The following MORN5 variants were observed in gnomAD, a reference collection of about 807,000 sequenced individuals.
MORN5 encodes MORN repeat-containing protein 5.
In MORN5, 21 loss-of-function variants were observed where a neutral mutation model predicts 22.1. That is an observed-to-expected ratio of 0.95 (90% CI 0.67 to 1.37). The LOEUF is 1.37. Among genes scored for constraint, MORN5 ranks in the 40% most tolerant of loss-of-function variants. The pLI is 0.00. For synonymous variants in MORN5, 73 were observed against 74.0 expected, an observed-to-expected ratio of 0.99 and a Z score of 0.07; for missense variants, 211 against 215.1, an observed-to-expected ratio of 0.98 and a Z score of 0.12.
At chr9:122,171,908 G>A (rs888897963) in intron 3 of MORN5, among the ~76,000 whole-genome samples, 3 of 148,112 alleles carry the variant, frequency 2.0e-5, no homozygotes, top group Non-Finnish European at 4.4e-5. Flanking sequence ...CCCACTTGGC[G>A]CCCTTGAGGT....
At chr9:122,173,833 T>C (rs1829403573) in intron 3 of MORN5, among the ~76,000 whole-genome samples, 1 of 152,144 alleles carries the variant, frequency 6.6e-6, no homozygotes, top group African/African-American at 2.4e-5. Flanking sequence ...TGGATAACCT[T>C]GGGAAAGTTA....
At chr9:122,195,551 C>A (rs1318655112) in intron 4 of MORN5, among the ~76,000 whole-genome samples, 1 of 152,068 alleles carries the variant, frequency 6.6e-6, no homozygotes, top group African/African-American at 2.4e-5. Flanking sequence ...GATGTTTTTT[C>A]TCATGATTAG....
At chr9:122,189,046 T>G (rs1392598032) in intron 4 of MORN5, among the ~76,000 whole-genome samples, 2 of 151,884 alleles carry the variant, frequency 1.3e-5, no homozygotes. Context: ...AATACAAAAA[T>G]TAGCCCGGTG....
At chr9:122,175,548 A>AC in intron 4 of MORN5, 2 of 985,296 alleles carry the variant, frequency 2.0e-6, no homozygotes, top group Non-Finnish European at 2.4e-6. Context: ...AAAGATACGG[A>AC]CCCTCTTGCC....
intron 4 of MORN5, among the ~76,000 whole-genome samples, chr9:122,175,891 G>A (rs912959495): frequency 6.6e-6 from 1 of 152,092 alleles, no homozygotes; most frequent in Non-Finnish European, 1.5e-5. Context: ...GAGGAGGGCG[G>A]ATCATGAGGT....
chr9:122,179,765 C>T (rs554507883), intron 4 of MORN5, among the ~76,000 whole-genome samples: 16 of 152,208 alleles, frequency 1.1e-4, no homozygotes, highest in Non-Finnish European at 1.9e-4. Context: ...ACCCCTGACT[C>T]ACCTCACCCT....
At chr9:122,194,731 AT>A (rs1350754372) in intron 4 of MORN5, among the ~76,000 whole-genome samples, 1 of 152,156 alleles carries the variant, frequency 6.6e-6, no homozygotes, top group East Asian at 1.9e-4. Context: ...ATATAAAAAA[AT>A]ATGCAAGCCG....
intron 4 of MORN5, among the ~76,000 whole-genome samples, chr9:122,180,793 G>A (rs1173997515): frequency 1.3e-5 from 2 of 152,130 alleles, no homozygotes; most frequent in Non-Finnish European, 2.9e-5. Context: ...TTAGCACTTA[G>A]CCATGGACAG....
At chr9:122,163,103 A>G (rs1220604401) in intron 1 of MORN5, among the ~76,000 whole-genome samples, 1 of 152,088 alleles carries the variant, frequency 6.6e-6, no homozygotes, top group Admixed American at 6.6e-5. Flanking sequence ...GTTTCTTTGG[A>G]GTAGTCGCAC....
intron 3 of MORN5, among the ~76,000 whole-genome samples, 190 bp from the exon 4 acceptor site, chr9:122,174,306 G>A (rs1314028453): frequency 6.6e-6 from 1 of 152,168 alleles, no homozygotes; most frequent in Non-Finnish European, 1.5e-5. Flanking sequence ...GTTCCCAAGA[G>A]CCATGTTCAG....
intron 4 of MORN5, among the ~76,000 whole-genome samples, chr9:122,177,100 C>T (rs564304428): frequency 6.6e-6 from 1 of 152,344 alleles, no homozygotes; most frequent in South Asian, 2.1e-4. Flanking sequence ...TGAGCAGAGA[C>T]CAGCTGGGGC....
At chr9:122,190,831 G>T (rs560988460) in intron 4 of MORN5, among the ~76,000 whole-genome samples, 1 of 152,386 alleles carries the variant, frequency 6.6e-6, no homozygotes, top group Non-Finnish European at 1.5e-5. Context: ...GGGGATGCCT[G>T]GGCATTGCTG....
intron 4 of MORN5, among the ~76,000 whole-genome samples, chr9:122,193,678 A>G (rs971684911): frequency 6.6e-6 from 1 of 152,386 alleles, no homozygotes; most frequent in East Asian, 1.9e-4. Context: ...TTTTATATAC[A>G]CTAATACTAC....
At chr9:122,189,064 G>A (rs957692528) in intron 4 of MORN5, among the ~76,000 whole-genome samples, 3 of 152,028 alleles carry the variant, frequency 2.0e-5, no homozygotes, top group African/African-American at 4.8e-5. Flanking sequence ...GTGTGGTGGC[G>A]GGTGCCTGTA....
chr9:122,179,620 C>T (rs563521695), intron 4 of MORN5, among the ~76,000 whole-genome samples: 47 of 152,200 alleles, frequency 3.1e-4, no homozygotes, highest in African/African-American at 1.1e-3. Context: ...GCCCTTCCAA[C>T]CTTAAGTAAG....
chr9:122,173,400 T>G lies in MORN5; in HGVS notation c.308-1096T>G, dbSNP rs75867768. Among the ~76,000 whole-genome samples the G allele has an allele frequency of 9.5e-3, 1,446 of 152,090 alleles. 26 individuals are homozygous for G. The highest frequency in any genetic ancestry group is 0.032 in the African/African-American group (1,348 of 41,480). ...TGGCTGTAAAGTGCTTGACATGGAG[T>G]AAGTGCTCAGTAGTCATTAGCCAGT... On this transcript the variant is annotated intron_variant, in intron 3 of 4. Coordinates refer to ENST00000373764, the MANE Select transcript of MORN5 (RefSeq NM_198469.4).
rs374195009 is a variant in MORN5, at chr9:122,196,615, G to GC, written c.440-3268dup. ...CAAAGTGCTGGGATTACAGGCGTAA[G>GC]CCACCGCGCCCGGCAAAAGCCAATA... On this transcript the variant is annotated intron_variant, in intron 4 of 4. Transcript: ENST00000373764. 3.8e-3 allele frequency among the ~76,000 whole-genome samples: 573 copies of GC among 152,304 alleles called. 4 individuals are homozygous for GC. Among genetic ancestry groups the GC allele is most frequent in the African/African-American group, 0.013 (550 of 41,568 alleles).
chr9:122,194,074 G>A lies in MORN5; in HGVS notation c.440-5811G>A, dbSNP rs567498844. 2.1e-4 allele frequency among the ~76,000 whole-genome samples: 32 copies of A among 152,334 alleles called. No homozygotes were observed. In the South Asian group the frequency reaches 4.4e-3, roughly 21 times the overall value. On this transcript the variant is annotated intron_variant, in intron 4 of 4. Coordinates refer to ENST00000373764, the MANE Select transcript of MORN5 (RefSeq NM_198469.4). The stretch of plus-strand genomic sequence containing the variant: ...CCAATGACCTATGAGGGCAGGGCAT[G>A]CAGGTGGCAGCGAGGTCACTTCCAA...
chr9:122,188,464 C>G (rs368182515), intron 4 of MORN5, among the ~76,000 whole-genome samples: 2 of 152,336 alleles, frequency 1.3e-5, no homozygotes, highest in African/African-American at 4.8e-5. Flanking sequence ...TGCCACTGCT[C>G]TAGTCTTAAT....
Sources: allele counts gnomAD v4.1 joint callset (sites outside exome capture counted in the v4.1 genomes callset), GRCh38; gene constraint gnomAD v4.1.1; transcripts MANE v1.5; gene names NCBI Gene and HGNC (gene_info 2026-07-23, HGNC 2026-07-21).